ADIPOR2: variants seen among roughly 807,000 people sequenced by gnomAD.
ADIPOR2 encodes adiponectin receptor protein 2.
Under a neutral mutation model 40.9 loss-of-function variants are expected in ADIPOR2, and 18 were observed. The ratio of observed to expected loss-of-function variants is 0.44; its 90% CI spans 0.30 to 0.65. The LOEUF (loss-of-function observed/expected upper bound fraction) is 0.65. ADIPOR2 is among the 30% of genes least tolerant of loss of function. The pLI, the probability that ADIPOR2 is intolerant of heterozygous loss-of-function variation, is 0.09. For missense variants in ADIPOR2, 283 were observed against 479.2 expected (o/e 0.59, Z 3.82); for synonymous variants, 165 against 166.4 (o/e 0.99, Z 0.06).
At chr12:1,709,534 C>T (rs1420577427) in intron 1 of ADIPOR2, among the ~76,000 whole-genome samples, 4 of 152,110 alleles carry the variant, frequency 2.6e-5, no homozygotes, top group African/African-American at 9.7e-5. Flanking sequence ...AAAAGATTAT[C>T]TCTGAATTTG....
chr12:1,701,127 C>CTTTTTT (rs34379541), intron 1 of ADIPOR2, among the ~76,000 whole-genome samples: 1 of 123,784 alleles, frequency 8.1e-6, no homozygotes, highest in Admixed American at 9.1e-5. Context: ...TGGTGTTGAT[C>CTTTTTT]TTTTTTTTTT....
chr12:1,725,603 G>T (rs189366933), intron 1 of ADIPOR2, among the ~76,000 whole-genome samples: 2 of 152,042 alleles, frequency 1.3e-5, no homozygotes. Context: ...AGTATGGTAG[G>T]GTAATAAAAC....
intron 1 of ADIPOR2, among the ~76,000 whole-genome samples, chr12:1,692,181 C>G (rs2094628533): frequency 6.6e-6 from 1 of 151,530 alleles, no homozygotes; most frequent in Admixed American, 6.6e-5. Context: ...GATCACAGAA[C>G]TTTTCCAAAT....
intron 4 of ADIPOR2, among the ~76,000 whole-genome samples, chr12:1,778,923 GT>G (rs1384071233): frequency 6.8e-6 from 1 of 146,760 alleles, no homozygotes; most frequent in Non-Finnish European, 1.5e-5. Context: ...AAAGATGTTT[GT>G]CTTCGTTAGG....
rs188309120 is a variant in ADIPOR2 at position 1,786,568 on chromosome 12, T to C, written c.*496T>C. 6.5e-6 allele frequency: 1 copy of C among 153,896 alleles called. No homozygotes were observed. The highest frequency in any genetic ancestry group is 6.5e-5 in the Admixed American group (1 of 15,464). 9.5% of individuals were successfully genotyped at this position (153,896 alleles called of 1,614,324 possible). Reference sequence around the variant, plus strand: ...AATGTAAATAAGATTTCTAACTGTTTAAATAAGACTTTATATAAATGTTTA... The same window carrying C: ...AATGTAAATAAGATTTCTAACTGTTCAAATAAGACTTTATATAAATGTTTA... On this transcript the variant is annotated 3_prime_UTR_variant, in exon 8 of 8. Transcript: ENST00000357103.
intron 1 of ADIPOR2, among the ~76,000 whole-genome samples, chr12:1,713,910 G>A (rs1484533107): frequency 2.0e-5 from 3 of 152,082 alleles, no homozygotes; most frequent in African/African-American, 7.3e-5. Flanking sequence ...AGCTGTACCG[G>A]TGTCCAGGAG....
intron 2 of ADIPOR2, among the ~76,000 whole-genome samples, chr12:1,771,762 G>T (rs534105981): frequency 6.6e-6 from 1 of 152,306 alleles, no homozygotes; most frequent in African/African-American, 2.4e-5. Flanking sequence ...TTCTTACCAA[G>T]TAGTTTTTTG....
intron 1 of ADIPOR2, among the ~76,000 whole-genome samples, chr12:1,748,275 G>T (rs1231863733): frequency 1.3e-5 from 2 of 152,004 alleles, no homozygotes; most frequent in Non-Finnish European, 2.9e-5. Flanking sequence ...TAGAGACGGA[G>T]TCTCTCTCTG....
Position 1,772,972 on chromosome 12 carries a change from A to G in ADIPOR2, c.291+11A>G, listed in dbSNP as rs1450119309. ...GAATTTGTTTGTAAGGTAAGAGTGC[A>G]GTTTCTTGTCATTGTCATGCTATAT... On this transcript the variant is annotated intron_variant, in intron 3 of 7. Coordinates refer to ENST00000357103, the MANE Select transcript of ADIPOR2 (RefSeq NM_024551.3). 6.2e-7 allele frequency: 1 copy of G among 1,612,662 alleles called. No individual in the cohort carries two copies. The highest frequency in any genetic ancestry group is 1.1e-5 in the South Asian group (1 of 90,776).
Position 1,766,991 on chromosome 12 carries a change from C to T in ADIPOR2, c.172-5851C>T, listed in dbSNP as rs367990251. Among the ~76,000 whole-genome samples the T allele has an allele frequency of 1.6e-4, 25 of 152,182 alleles. No individual in the cohort carries two copies. The East Asian group carries it at 3.5e-3, about 21-fold the overall frequency. On this transcript the variant is annotated intron_variant, in intron 2 of 7. Transcript: ENST00000357103. ...AAGAAATTCAATTAAGATTAGAGGCCGGGTGTGGTGGCTCACGCCCGTAAT... is the reference window on the plus strand; with the variant it reads ...AAGAAATTCAATTAAGATTAGAGGCTGGGTGTGGTGGCTCACGCCCGTAAT...
At chr12:1,722,409 G>A (rs541840821) in intron 1 of ADIPOR2, among the ~76,000 whole-genome samples, 8 of 152,258 alleles carry the variant, frequency 5.3e-5, no homozygotes, top group African/African-American at 1.9e-4. Context: ...CATACTTGGT[G>A]GTAGGTAATA....
chr12:1,745,522 G>C (rs1048674230), intron 1 of ADIPOR2, among the ~76,000 whole-genome samples: 2 of 152,114 alleles, frequency 1.3e-5, no homozygotes, highest in African/African-American at 4.8e-5. Flanking sequence ...CTACATTTAG[G>C]TTACAAACGG....
At chr12:1,732,973 T>C (rs1041225351) in intron 1 of ADIPOR2, among the ~76,000 whole-genome samples, 1 of 152,228 alleles carries the variant, frequency 6.6e-6, no homozygotes, top group East Asian at 1.9e-4. Context: ...AGTACAATTA[T>C]TGGGATCAAG....
chr12:1,754,574 A>G, intron 2 of ADIPOR2, 60 bp downstream of exon 2: 1 of 1,498,830 alleles, frequency 6.7e-7, no homozygotes, highest in Non-Finnish European at 8.9e-7. Flanking sequence ...TGGCAGAGGG[A>G]GGATATGGGG....
intron 2 of ADIPOR2, 52 bp from the exon 3 acceptor site, chr12:1,772,790 G>A: frequency 1.9e-6 from 3 of 1,553,324 alleles, no homozygotes; most frequent in Non-Finnish European, 2.6e-6. Context: ...TATTGATTGT[G>A]TCATTTGGCT....
chr12:1,706,452 A>G (rs1355890595), intron 1 of ADIPOR2, among the ~76,000 whole-genome samples: 2 of 152,216 alleles, frequency 1.3e-5, no homozygotes, highest in Non-Finnish European at 2.9e-5. Context: ...AGTAAAGACT[A>G]GGGAGTATTC....
chr12:1,744,351 G>A (rs1282568405), intron 1 of ADIPOR2, among the ~76,000 whole-genome samples: 7 of 152,072 alleles, frequency 4.6e-5, no homozygotes, highest in Admixed American at 1.3e-4. Flanking sequence ...TGATCTGCCC[G>A]TCTCGGCCTC....
chr12:1,695,553 C>T (rs1266201522), intron 1 of ADIPOR2, among the ~76,000 whole-genome samples: 1 of 151,590 alleles, frequency 6.6e-6, no homozygotes, highest in Admixed American at 6.6e-5. Flanking sequence ...ATCCCAACTA[C>T]TCAGGAGGCT....
At position 1,731,621 on chromosome 12, in the gene ADIPOR2, C is replaced by T. The variant is rs530250842; in HGVS notation, c.-86-22637C>T. 2.0e-4 allele frequency among the ~76,000 whole-genome samples: 30 copies of T among 152,208 alleles called. No homozygotes were observed. In the East Asian group the frequency reaches 4.4e-3, roughly 23 times the overall value. On this transcript the variant is annotated intron_variant, in intron 1 of 7. Transcript: ENST00000357103. ...TCATATAGCATTTGTCTTTTTGTGT[C>T]TGGTTTATTTCACATAGCGTACATG...
Sources: allele counts gnomAD v4.1 joint callset (sites outside exome capture counted in the v4.1 genomes callset), GRCh38; gene constraint gnomAD v4.1.1; transcripts MANE v1.5; gene names NCBI Gene and HGNC (gene_info 2026-07-23, HGNC 2026-07-21).